Variants in FRY observed in about 807,000 individuals in gnomAD.
FRY encodes the protein FRY microtubule binding protein.
A neutral mutation model predicts 348.4 loss-of-function variants in FRY; 128 were observed. The observed-to-expected ratio is 0.37, with a 90% CI of 0.32 to 0.43. The LOEUF (loss-of-function observed/expected upper bound fraction) is 0.43. Among genes scored for constraint, FRY ranks in the 20% least tolerant of loss-of-function variants. The probability of loss-of-function intolerance (pLI) is 1.00; values close to 1 mark genes in which losing one functional copy is unlikely to be tolerated. For missense variants in FRY, 2,736 were observed against 3,695.2 expected, an observed-to-expected ratio of 0.74 and a Z score of 6.73; for synonymous variants, 1,370 against 1,374.7, an observed-to-expected ratio of 1.00 and a Z score of 0.08.
intron 55 of FRY, among the ~76,000 whole-genome samples, chr13:32,272,187 T>C (rs572822732): frequency 4.6e-5 from 7 of 152,236 alleles, no homozygotes; most frequent in Admixed American, 6.5e-5. Flanking sequence ...CTGCCTGTTA[T>C]GAATCATTTG....
At chr13:32,047,585 G>GGC (rs1555246732) in intron 1 of FRY, among the ~76,000 whole-genome samples, 1 of 148,838 alleles carries the variant, frequency 6.7e-6, no homozygotes, top group Non-Finnish European at 1.5e-5. Context: ...TTTTTTTGGG[G>GGC]GGGGTGCAGA....
chr13:32,163,922 T>C (rs1881592049), intron 17 of FRY, among the ~76,000 whole-genome samples: 1 of 152,170 alleles, frequency 6.6e-6, no homozygotes, highest in African/African-American at 2.4e-5. Context: ...ACAGAACAAA[T>C]AAATATTCCT....
intron 55 of FRY, among the ~76,000 whole-genome samples, chr13:32,268,503 AAAATATATATATAT>A (rs1888044647): frequency 6.8e-5 from 1 of 14,790 alleles, no homozygotes; most frequent in African/African-American, 1.9e-4. Context: ...AAAAAAAAAA[AAAATATATATATAT>A]ATATATATAT....
intron 29 of FRY, among the ~76,000 whole-genome samples, chr13:32,200,330 C>A (rs1374929258): frequency 6.6e-6 from 1 of 152,180 alleles, no homozygotes; most frequent in Admixed American, 6.5e-5. Flanking sequence ...CAAGGAAAAA[C>A]AACTAATATG....
Position 32,261,948 on chromosome 13 carries a change from G to A in FRY, c.7617+132G>A, listed in dbSNP as rs919722899. On this transcript the variant is annotated intron_variant, in intron 52 of 60. Transcript: ENST00000542859. The stretch of plus-strand genomic sequence containing the variant: ...ACTAAAATCGGAACTGTCAGGTGGT[G>A]TCATACGGGTTCTAGCTGGCAGAGT... 7 of 838,530 alleles carry A rather than the reference G, an allele frequency of 8.3e-6. No homozygotes were observed. The Admixed American group carries it at 1.4e-4, about 17-fold the overall frequency. The allele number at this position is 838,530 out of a possible 1,614,324, so 51.9% of individuals were successfully genotyped here. A position where few individuals can be genotyped will look rare whatever the true frequency, so the allele number is the denominator to read the frequency against.
chr13:32,264,227 G>T (rs1050723399), intron 53 of FRY, among the ~76,000 whole-genome samples: 5 of 152,136 alleles, frequency 3.3e-5, no homozygotes, highest in African/African-American at 9.7e-5. Flanking sequence ...GGCACCAGTG[G>T]CCAGCCTCAT....
At position 32,249,575 on chromosome 13, in the gene FRY, G is replaced by A. The variant is rs201361610; in HGVS notation, c.7058G>A (p.Arg2353His). ...RYDELQNSSG[R>H]DGKPRAMAVT... ...GATGAGCTGCAGAATTCTTCTGGGC[G>A]TGATGGGAAGCCCAGGGCCATGGCC... The change falls in exon 49 of 61, where the codon CGT becomes CAT. Residue 2353 changes from arginine to histidine, a missense_variant. Physicochemically the swap from Arg to His is conservative, Grantham distance 29. Transcript: ENST00000542859. 140 of 1,614,048 alleles carry A rather than the reference G, an allele frequency of 8.7e-5. No individual in the cohort carries two copies. Among genetic ancestry groups the A allele is most frequent in the African/African-American group, 7.3e-4 (55 of 75,054 alleles).
intron 28 of FRY, among the ~76,000 whole-genome samples, chr13:32,188,734 TG>T (rs985277652): frequency 4.5e-4 from 69 of 152,170 alleles, no homozygotes; most frequent in Non-Finnish European, 4.4e-5. Context: ...TATTGTGCTT[TG>T]TTTTTAGGAT....
chr13:32,046,499 G>A (rs1873022405), intron 1 of FRY, among the ~76,000 whole-genome samples: 3 of 152,308 alleles, frequency 2.0e-5, no homozygotes, highest in East Asian at 1.9e-4. Context: ...ACACAGTCTG[G>A]AAGAGTCAGC....
intron 29 of FRY, 28 bp downstream of exon 29, chr13:32,194,325 T>G (rs201976984): frequency 2.2e-5 from 36 of 1,604,802 alleles, no homozygotes; most frequent in Non-Finnish European, 2.6e-5. Flanking sequence ...CAGTGATGAG[T>G]GGCAAGTATG....
chr13:32,268,035 T>C (rs372218714), intron 55 of FRY, among the ~76,000 whole-genome samples: 2 of 152,140 alleles, frequency 1.3e-5, no homozygotes, highest in East Asian at 1.9e-4. Context: ...GTACCACACC[T>C]AGCCAGCAGA....
chr13:32,246,885 C>T (rs1321215977), intron 47 of FRY, among the ~76,000 whole-genome samples: 1 of 152,126 alleles, frequency 6.6e-6, no homozygotes, highest in African/African-American at 2.4e-5. Flanking sequence ...AGACAGAGAT[C>T]AAGGTACCCA....
chr13:32,041,541 C>T (rs1872745741), intron 1 of FRY, among the ~76,000 whole-genome samples: 1 of 152,064 alleles, frequency 6.6e-6, no homozygotes, highest in African/African-American at 2.4e-5. Context: ...GGATTACAGG[C>T]ATGAGCCACT....
At chr13:32,116,556 A>G (rs1878314001) in intron 3 of FRY, among the ~76,000 whole-genome samples, 1 of 152,190 alleles carries the variant, frequency 6.6e-6, no homozygotes, top group South Asian at 2.1e-4. Context: ...ACAAAGTCAC[A>G]AAGGTTTTAT....
At chr13:32,196,921 A>C (rs541439189) in intron 29 of FRY, among the ~76,000 whole-genome samples, 1 of 152,174 alleles carries the variant, frequency 6.6e-6, no homozygotes, top group South Asian at 2.1e-4. Context: ...CCCCACTCCA[A>C]ATGAGATTAG....
chr13:32,265,866 G>A (rs1365393894), intron 54 of FRY, among the ~76,000 whole-genome samples: 1 of 152,170 alleles, frequency 6.6e-6, no homozygotes, highest in African/African-American at 2.4e-5. Context: ...AAAAGCAAAG[G>A]AAGAGCCTGG....
chr13:32,180,493 C>G (rs959471726), intron 23 of FRY, among the ~76,000 whole-genome samples: 15 of 152,352 alleles, frequency 9.8e-5, no homozygotes, highest in African/African-American at 2.6e-4. Flanking sequence ...CCTCAGCCCC[C>G]CAAAGTGCTG....
chr13:32,077,834 C>T (rs146719082), intron 1 of FRY, among the ~76,000 whole-genome samples: 2 of 152,138 alleles, frequency 1.3e-5, no homozygotes, highest in Non-Finnish European at 2.9e-5. Context: ...TGACTCTTTC[C>T]CTTAATCTCC....
chr13:32,085,639 G>T (rs1875806632), intron 2 of FRY, among the ~76,000 whole-genome samples: 1 of 152,154 alleles, frequency 6.6e-6, no homozygotes. Flanking sequence ...TGAGCATGTA[G>T]GAGATGCTCA....
Sources: allele counts gnomAD v4.1 joint callset (sites outside exome capture counted in the v4.1 genomes callset), GRCh38; gene constraint gnomAD v4.1.1; transcripts MANE v1.5; gene names NCBI Gene and HGNC (gene_info 2026-07-23, HGNC 2026-07-21).